The following CALN1 variants were observed in gnomAD, a reference collection of about 807,000 sequenced individuals.
CALN1 encodes the protein calneuron 1.
A neutral mutation model predicts 30.6 loss-of-function variants in CALN1; 17 were observed. That is an observed-to-expected ratio of 0.56 (90% CI 0.38 to 0.83). The LOEUF is 0.83. Among genes scored for constraint, CALN1 ranks in the 40% least tolerant of loss-of-function variants. The pLI, the probability that CALN1 is intolerant of heterozygous loss-of-function variation, is 0.00. For missense variants in CALN1, 291 were observed against 354.9 expected, an observed-to-expected ratio of 0.82 and a Z score of 1.45; for synonymous variants, 156 against 131.4, an observed-to-expected ratio of 1.19 and a Z score of -1.28.
intron 3 of CALN1, among the ~76,000 whole-genome samples, chr7:72,182,244 G>C (rs1444856805): frequency 6.6e-6 from 1 of 152,082 alleles, no homozygotes; most frequent in Non-Finnish European, 1.5e-5. Flanking sequence ...CTGTATCTGT[G>C]CATCATTGAT....
intron 2 of CALN1, among the ~76,000 whole-genome samples, chr7:72,353,033 G>A (rs940596615): frequency 6.6e-6 from 1 of 152,004 alleles, no homozygotes; most frequent in Admixed American, 6.6e-5. Flanking sequence ...TACCAAAATA[G>A]ACCCATGGAG....
chr7:71,807,345 A>G (rs933273713), intron 6 of CALN1, among the ~76,000 whole-genome samples: 1 of 152,176 alleles, frequency 6.6e-6, no homozygotes, highest in African/African-American at 2.4e-5. Flanking sequence ...CTTCCTAGAC[A>G]CCTCTGCCCA....
intron 5 of CALN1, among the ~76,000 whole-genome samples, chr7:71,937,495 A>G (rs1328153575): frequency 3.9e-5 from 6 of 152,148 alleles, no homozygotes; most frequent in East Asian, 3.9e-4. Context: ...ATGCAGGTAT[A>G]TATGTATAAA....
At chr7:71,878,195 G>A (rs1792359210) in intron 5 of CALN1, among the ~76,000 whole-genome samples, 1 of 152,124 alleles carries the variant, frequency 6.6e-6, no homozygotes, top group African/African-American at 2.4e-5. Flanking sequence ...AATGACAAAG[G>A]ATGTCCATGA....
the CALN1 span, among the ~76,000 whole-genome samples, chr7:72,498,224 C>G: frequency 6.6e-6 from 1 of 152,106 alleles, no homozygotes; most frequent in South Asian, 2.1e-4. Context: ...TGTGTATTTG[C>G]CATCTCAGGA....
chr7:72,042,611 G>A (rs1038912772), intron 4 of CALN1, among the ~76,000 whole-genome samples: 2 of 152,066 alleles, frequency 1.3e-5, no homozygotes, highest in South Asian at 2.1e-4. Context: ...TCACACGTAC[G>A]TATAACCCCA....
At chr7:71,996,835 T>C (rs1053045196) in intron 5 of CALN1, among the ~76,000 whole-genome samples, 6 of 151,574 alleles carry the variant, frequency 4.0e-5, no homozygotes, top group African/African-American at 1.5e-4. Flanking sequence ...AATTAAAAAG[T>C]CTACTGAAAC....
chr7:72,450,571 G>A (rs370668135), upstream of CALN1, among the ~76,000 whole-genome samples: 3 of 152,096 alleles, frequency 2.0e-5, no homozygotes, highest in East Asian at 1.9e-4. Context: ...GTCTATTTCT[G>A]CTTTTTCATT....
intron 3 of CALN1, among the ~76,000 whole-genome samples, chr7:72,166,978 G>T (rs1265494928): frequency 6.6e-6 from 1 of 152,024 alleles, no homozygotes; most frequent in Admixed American, 6.6e-5. Flanking sequence ...AGGTTGTAGT[G>T]AGCCGAGATC....
At chr7:72,251,407 C>CT (rs1740103592) in intron 3 of CALN1, among the ~76,000 whole-genome samples, 1 of 151,144 alleles carries the variant, frequency 6.6e-6, no homozygotes, top group African/African-American at 2.4e-5. Flanking sequence ...TTTTTTTTTC[C>CT]TTTTTTCTTG....
intron 5 of CALN1, among the ~76,000 whole-genome samples, chr7:71,948,957 C>T (rs1025413813): frequency 2.1e-5 from 3 of 139,864 alleles, no homozygotes; most frequent in African/African-American, 8.0e-5. Flanking sequence ...GTGGGAGGAT[C>T]ACTTGAGCCC....
intron 3 of CALN1, among the ~76,000 whole-genome samples, chr7:72,124,189 T>C (rs1352209836): frequency 1.3e-5 from 2 of 152,160 alleles, no homozygotes; most frequent in Non-Finnish European, 2.9e-5. Flanking sequence ...CGTGTGGATT[T>C]GGGGATTCTG....
intron 3 of CALN1, among the ~76,000 whole-genome samples, chr7:72,172,142 C>T (rs931015526): frequency 6.6e-6 from 1 of 152,194 alleles, no homozygotes; most frequent in Admixed American, 6.5e-5. Context: ...TGTGACTAAG[C>T]AAGAGCCATG....
intron 2 of CALN1, among the ~76,000 whole-genome samples, chr7:72,287,891 C>T (rs1798198866): frequency 6.6e-6 from 1 of 152,110 alleles, no homozygotes; most frequent in African/African-American, 2.4e-5. Flanking sequence ...AGATAAAATA[C>T]TACCTGGTTA....
chr7:72,212,156 T>G (rs1224895416), intron 3 of CALN1, among the ~76,000 whole-genome samples: 2 of 151,944 alleles, frequency 1.3e-5, no homozygotes, highest in African/African-American at 2.4e-5. Context: ...ATGGAGACCA[T>G]CCTGGCTAAC....
chr7:72,201,671 C>A (rs185354252), intron 3 of CALN1, among the ~76,000 whole-genome samples: 2 of 151,546 alleles, frequency 1.3e-5, no homozygotes, highest in East Asian at 3.9e-4. Flanking sequence ...TCAATTGTAT[C>A]CCAAACCTCA....
chr7:72,468,696 G>A, the CALN1 span, among the ~76,000 whole-genome samples: 1 of 150,392 alleles, frequency 6.6e-6, no homozygotes, highest in African/African-American at 2.5e-5. Flanking sequence ...ATGTACAATG[G>A]GTTCCAATTT....
At chr7:71,979,494 T>C (rs934256934) in intron 5 of CALN1, among the ~76,000 whole-genome samples, 1 of 152,102 alleles carries the variant, frequency 6.6e-6, no homozygotes, top group African/African-American at 2.4e-5. Flanking sequence ...TTTATGCTTC[T>C]ATGAGACTCT....
intron 2 of CALN1, among the ~76,000 whole-genome samples, chr7:72,351,516 A>T (rs561026713): frequency 6.6e-6 from 1 of 152,254 alleles, no homozygotes; most frequent in African/African-American, 2.4e-5. Context: ...TATGGGATTT[A>T]TAAGACATGT....
Sources: allele counts gnomAD v4.1 joint callset (sites outside exome capture counted in the v4.1 genomes callset), GRCh38; gene constraint gnomAD v4.1.1; transcripts MANE v1.5; gene names NCBI Gene and HGNC (gene_info 2026-07-23, HGNC 2026-07-21).